Variants in ARV1 observed in about 807,000 individuals in gnomAD.
ARV1 encodes the protein protein ARV1.
ARV1 carries 26 observed loss-of-function variants against 31.1 expected under a neutral mutation model. The ratio of observed to expected loss-of-function variants is 0.84; its 90% CI spans 0.61 to 1.16. The LOEUF is 1.16. ARV1 is among the 50% of genes most tolerant of loss of function. The pLI, the probability that ARV1 is intolerant of heterozygous loss-of-function variation, is 0.00. For missense variants in ARV1, 281 were observed against 324.9 expected (o/e 0.86, Z 1.04); for synonymous variants, 117 against 123.2 (o/e 0.95, Z 0.34).
At chr1:230,984,909 T>C (rs7539695) in intron 1 of ARV1, among the ~76,000 whole-genome samples, 49,976 of 152,052 alleles carry the variant, frequency 0.33, 8,497 homozygotes, top group Middle Eastern at 0.57. Context: ...TGTTAGTACC[T>C]TATCAGTTAA....
rs1485352834 is a variant in ARV1, at chr1:230,990,127, C to G, written c.312C>G (p.Cys104Trp). The G allele has an allele frequency of 6.2e-7, 1 of 1,605,538 alleles. No homozygotes were observed. Among genetic ancestry groups the G allele is most frequent in the African/African-American group, 1.3e-5 (1 of 74,364 alleles). The change falls in exon 3 of 6, where the codon TGC (cysteine) becomes TGG (tryptophan). Residue 104 changes from cysteine to tryptophan, a missense_variant. By Grantham distance (215) the Cys-to-Trp change is radical. Transcript: ENST00000310256. ...NTQINIHGKL[C>W]IFCLLCEAYL... ...ACTATCAGATCCATGGAAAACTCTG[C>G]ATATTTTGTTTGCTTTGTGAAGCAT...
At chr1:230,993,174 T>TG (rs1679277806) in intron 3 of ARV1, among the ~76,000 whole-genome samples, 1 of 152,210 alleles carries the variant, frequency 6.6e-6, no homozygotes, top group East Asian at 1.9e-4. Context: ...CACTGCAGCC[T>TG]GGAGCTCCTG....
intron 3 of ARV1, among the ~76,000 whole-genome samples, 151 bp from the exon 4 acceptor site, chr1:230,995,606 CAAA>C (rs1268046027): frequency 7.0e-6 from 1 of 143,212 alleles, no homozygotes; most frequent in Non-Finnish European, 1.5e-5. Context: ...AACACACAAA[CAAA>C]AAGAAGAAGA....
intron 1 of ARV1, among the ~76,000 whole-genome samples, chr1:230,987,466 A>T (rs1679116464): frequency 1.3e-5 from 2 of 152,318 alleles, no homozygotes; most frequent in Non-Finnish European, 2.9e-5. Context: ...TTGTTTGTGT[A>T]TACCTGCGTT....
chr1:230,989,028 T>C (rs1441584281), intron 2 of ARV1, among the ~76,000 whole-genome samples: 1 of 152,234 alleles, frequency 6.6e-6, no homozygotes, highest in East Asian at 1.9e-4. Flanking sequence ...TACCATGAAT[T>C]AATTTTTTAG....
chr1:230,990,049 G>A, intron 2 of ARV1, 61 bp from the exon 3 acceptor site: 1 of 1,516,882 alleles, frequency 6.6e-7, no homozygotes, highest in South Asian at 1.3e-5. Flanking sequence ...CTCTGTACCT[G>A]TTGATACTAG....
intron 1 of ARV1, among the ~76,000 whole-genome samples, chr1:230,982,585 G>C (rs1374102547): frequency 2.0e-5 from 3 of 152,102 alleles, no homozygotes; most frequent in Non-Finnish European, 4.4e-5. Flanking sequence ...AGTTATATTT[G>C]GAATATTGAA....
chr1:230,990,545 C>A lies in ARV1; in HGVS notation c.448+282C>A, dbSNP rs1558244226. The stretch of plus-strand genomic sequence containing the variant: ...GAAGCACAATATTGTTGATAAAATT[C>A]TTTTATTTTTATTATTATATATTTT... On this transcript the variant is annotated intron_variant, in intron 3 of 5. Coordinates refer to ENST00000310256, the MANE Select transcript of ARV1 (RefSeq NM_022786.3). 5 of 285,704 alleles carry A rather than the reference C, an allele frequency of 1.8e-5. No individual in the cohort carries two copies. In the South Asian group the frequency reaches 2.4e-4, roughly 14 times the overall value. 17.7% of individuals were successfully genotyped at this position (285,704 alleles called of 1,614,324 possible). A position where few individuals can be genotyped will look rare whatever the true frequency, so the allele number is the denominator to read the frequency against.
intron 1 of ARV1, among the ~76,000 whole-genome samples, chr1:230,983,174 G>A (rs894463525): frequency 3.9e-5 from 6 of 152,060 alleles, no homozygotes; most frequent in African/African-American, 1.4e-4. Context: ...CAGTACTTTG[G>A]GAGGCCAAGG....
rs141256557 is a variant in ARV1, at chr1:230,996,975, T to G, written c.674-146T>G. On this transcript the variant is annotated intron_variant, in intron 4 of 5. Coordinates refer to ENST00000310256, the MANE Select transcript of ARV1 (RefSeq NM_022786.3). ...CTCTAAAAATGTGTAGATGGAAAAG[T>G]GGGAGAAGGTAACAGCATAGATTAA... The G allele has an allele frequency of 9.8e-6, 9 of 919,354 alleles. No homozygotes were observed. In the African/African-American group the frequency reaches 1.3e-4, roughly 14 times the overall value. 56.9% of individuals were successfully genotyped at this position (919,354 alleles called of 1,614,324 possible).
rs765794989 is a variant in ARV1 at position 230,979,124 on chromosome 1, A to C, written c.19A>C (p.Ser7Arg). Residue 7 changes from serine (S) to arginine (R), a missense_variant, in exon 1 of 6, where the codon AGC (serine) becomes CGC (arginine). Physicochemically the swap from Ser to Arg is moderately radical, Grantham distance 110 (BLOSUM62 -1). Transcript: ENST00000310256. MGNGGR[S>R]GLQQGKGNVD... ...AGTGGAAATGGGCAACGGCGGGCGGAGCGGCCTGCAGCAGGGGAAGGGGAA... is the reference window on the plus strand; with the variant it reads ...AGTGGAAATGGGCAACGGCGGGCGGCGCGGCCTGCAGCAGGGGAAGGGGAA... 1.3e-6 allele frequency: 2 copies of C among 1,592,524 alleles called. No individual in the cohort carries two copies. Among genetic ancestry groups the C allele is most frequent in the South Asian group, 2.3e-5 (2 of 88,380 alleles).
intron 1 of ARV1, among the ~76,000 whole-genome samples, chr1:230,985,264 A>G (rs1679034312): frequency 6.6e-6 from 1 of 152,194 alleles, no homozygotes; most frequent in Non-Finnish European, 1.5e-5. Flanking sequence ...ATACTACCAG[A>G]AGCTGCCTCC....
At chr1:230,980,625 C>G (rs1678865393) in intron 1 of ARV1, among the ~76,000 whole-genome samples, 1 of 152,122 alleles carries the variant, frequency 6.6e-6, no homozygotes, top group Non-Finnish European at 1.5e-5. Flanking sequence ...TGAGCCACTG[C>G]GAAAACAGAA....
chr1:230,994,540 ATTTT>A (rs34618657), intron 3 of ARV1, among the ~76,000 whole-genome samples: 1 of 134,070 alleles, frequency 7.5e-6, no homozygotes, highest in African/African-American at 2.8e-5. Context: ...AACCATCCTA[ATTTT>A]TTTTTTTTTT....
chr1:230,997,275 A>G lies in ARV1; in HGVS notation c.*4+8A>G. ...CTCAGGACTTCTGAAGAGGTACTGA[A>G]AGCATGTAGTGTTCATGCATTCAGA... On this transcript the variant is annotated splice_region_variant and intron_variant, in intron 5 of 5. Transcript: ENST00000310256. 4 of 1,613,194 alleles carry G rather than the reference A, an allele frequency of 2.5e-6. No individual in the cohort carries two copies. Among genetic ancestry groups the G allele is most frequent in the Non-Finnish European group, 3.4e-6 (4 of 1,179,282 alleles).
At chr1:230,993,793 G>A (rs996108234) in intron 3 of ARV1, among the ~76,000 whole-genome samples, 9 of 152,164 alleles carry the variant, frequency 5.9e-5, no homozygotes, top group Non-Finnish European at 1.5e-5. Context: ...TACTTGAGGG[G>A]CAGAGACAGG....
At position 230,995,759 on chromosome 1, in the gene ARV1, G is replaced by C. The variant is rs770632880; in HGVS notation, c.449-1G>C. 5 of 1,609,462 alleles carry C rather than the reference G, an allele frequency of 3.1e-6. No homozygotes were observed. Among genetic ancestry groups the C allele is most frequent in the Non-Finnish European group, 4.2e-6 (5 of 1,177,170 alleles). On this transcript the variant is annotated splice_acceptor_variant, in intron 3 of 5. Transcript: ENST00000310256. LOFTEE classifies it high-confidence loss of function. ...ACTTTTATTTTCCATTTCTTCTTTA[G>C]AACAAACTGCCTATTTTATTGGCAT...
rs1054885795 is a variant in ARV1, at chr1:230,995,598, C to A, written c.449-162C>A. On this transcript the variant is annotated intron_variant, in intron 3 of 5. Coordinates refer to ENST00000310256, the MANE Select transcript of ARV1 (RefSeq NM_022786.3). Reference sequence around the variant, plus strand: ...GGGTTTATTTAAAAAAAAAAAACAACACACAAACAAAAAGAAGAAGAAAAA... The same window carrying A: ...GGGTTTATTTAAAAAAAAAAAACAAAACACAAACAAAAAGAAGAAGAAAAA... Among the ~76,000 whole-genome samples the A allele has an allele frequency of 5.6e-3, 737 of 130,930 alleles. 6 individuals carry two copies. Among genetic ancestry groups the A allele is most frequent in the African/African-American group, 0.02 (677 of 33,568 alleles). 85.9% of individuals were successfully genotyped at this position (130,930 alleles called of 152,430 possible).
chr1:230,986,654 G>A lies in ARV1; in HGVS notation c.175-1666G>A, dbSNP rs1056478438. 5.1e-5 allele frequency among the ~76,000 whole-genome samples: 6 copies of A among 118,614 alleles called. No homozygotes were observed. In the Admixed American group the frequency reaches 5.7e-4, roughly 11 times the overall value. 77.8% of individuals were successfully genotyped at this position (118,614 alleles called of 152,430 possible). A position where few individuals can be genotyped will look rare whatever the true frequency, so the allele number is the denominator to read the frequency against. ...CTGTTCGTGCCTTCCACCCACAAATGTAATACTTTTCCTATTTTTTTTTTT... is the reference window on the plus strand; with the variant it reads ...CTGTTCGTGCCTTCCACCCACAAATATAATACTTTTCCTATTTTTTTTTTT... On this transcript the variant is annotated intron_variant, in intron 1 of 5. Coordinates refer to ENST00000310256, the MANE Select transcript of ARV1 (RefSeq NM_022786.3).
Sources: allele counts gnomAD v4.1 joint callset (sites outside exome capture counted in the v4.1 genomes callset), GRCh38; gene constraint gnomAD v4.1.1; transcripts MANE v1.5; gene names NCBI Gene and HGNC (gene_info 2026-07-23, HGNC 2026-07-21).